The following NAV3 variants were observed in gnomAD, a reference collection of about 807,000 sequenced individuals.
NAV3 encodes the protein neuron navigator 3, also known as pore membrane and/or filament interacting like protein 1.
A neutral mutation model predicts 244.7 loss-of-function variants in NAV3; 87 were observed. The observed-to-expected ratio is 0.36, with a 90% confidence interval of 0.30 to 0.42. The LOEUF is 0.42. Ranked by LOEUF, NAV3 falls within the 20% of genes least tolerant of loss-of-function variation. The pLI, the probability that NAV3 is intolerant of heterozygous loss-of-function variation, is 1.00. For synonymous variants in NAV3, 1,126 were observed against 1,042.2 expected, an observed-to-expected ratio of 1.08 and a Z score of -1.55; for missense variants, 2,663 against 2,893.3, an observed-to-expected ratio of 0.92 and a Z score of 1.83.
intron 2 of NAV3, among the ~76,000 whole-genome samples, chr12:77,573,032 TC>T (rs1233786732): frequency 6.6e-6 from 1 of 152,178 alleles, no homozygotes; most frequent in African/African-American, 2.4e-5. Context: ...CTGAAATGTA[TC>T]ATCTTTTGCA....
At chr12:77,834,949 T>C (rs922627532) in intron 1 of NAV3, among the ~76,000 whole-genome samples, 1 of 152,070 alleles carries the variant, frequency 6.6e-6, no homozygotes, top group Admixed American at 6.6e-5. Flanking sequence ...TTAGAGAGAA[T>C]TAGACTTGGC....
chr12:78,195,060 A>G (rs1456531228), intron 34 of NAV3, among the ~76,000 whole-genome samples: 1 of 151,954 alleles, frequency 6.6e-6, no homozygotes, highest in Non-Finnish European at 1.5e-5. Flanking sequence ...CTTAAATGCT[A>G]TTTCCTTTTC....
At chr12:77,864,634 A>G (rs1366554502) in intron 1 of NAV3, among the ~76,000 whole-genome samples, 3 of 151,970 alleles carry the variant, frequency 2.0e-5, no homozygotes, top group Non-Finnish European at 2.9e-5. Context: ...TCTCTGCTCA[A>G]TTTTTAAGCA....
chr12:77,660,046 A>T (rs1465937383), intron 2 of NAV3, among the ~76,000 whole-genome samples: 1 of 152,086 alleles, frequency 6.6e-6, no homozygotes, highest in Non-Finnish European at 1.5e-5. Context: ...CCAGCATGTC[A>T]CATGTATACA....
At chr12:77,978,644 A>G (rs1016808673) in intron 5 of NAV3, among the ~76,000 whole-genome samples, 3 of 152,086 alleles carry the variant, frequency 2.0e-5, no homozygotes, top group Admixed American at 2.0e-4. Flanking sequence ...CTAAAAACTA[A>G]CCTCATCTCA....
At chr12:78,061,970 TATGTCCATAC>T (rs2137460980) in intron 12 of NAV3, among the ~76,000 whole-genome samples, 1 of 152,284 alleles carries the variant, frequency 6.6e-6, no homozygotes, top group South Asian at 2.1e-4. Flanking sequence ...TACTAAAAAC[TATGTCCATAC>T]AACATAGCAA....
intron 24 of NAV3, among the ~76,000 whole-genome samples, chr12:78,173,666 GT>G (rs1235143808): frequency 6.6e-6 from 1 of 150,962 alleles, no homozygotes; most frequent in Non-Finnish European, 1.5e-5. Flanking sequence ...AGTTGGTAAT[GT>G]TTTGGCATGC....
At chr12:78,207,844 T>G (rs1305143123) in intron 39 of NAV3, among the ~76,000 whole-genome samples, 2 of 152,142 alleles carry the variant, frequency 1.3e-5, no homozygotes, top group Non-Finnish European at 2.9e-5. Context: ...CCTAGTTAGA[T>G]CTGCAGTTTC....
intron 3 of NAV3, among the ~76,000 whole-genome samples, chr12:77,953,584 C>T (rs1312530929): frequency 1.3e-5 from 2 of 152,092 alleles, no homozygotes; most frequent in Non-Finnish European, 2.9e-5. Flanking sequence ...AAACAAAAAC[C>T]GAAGAGCAAA....
At chr12:78,177,806 G>T in intron 28 of NAV3, 121 bp downstream of exon 28, 5 of 861,268 alleles carry the variant, frequency 5.8e-6, no homozygotes, top group South Asian at 1.9e-5. Context: ...TTCTCTTTCT[G>T]TTTTTTCAAC....
At chr12:77,809,951 G>T (rs757066040) in intron 2 of NAV3, among the ~76,000 whole-genome samples, 1 of 151,996 alleles carries the variant, frequency 6.6e-6, no homozygotes, top group Non-Finnish European at 1.5e-5. Flanking sequence ...AAATTGAATT[G>T]TAAAATATTT....
chr12:78,069,067 C>T (rs1486559288), intron 12 of NAV3, among the ~76,000 whole-genome samples: 1 of 151,594 alleles, frequency 6.6e-6, no homozygotes, highest in Non-Finnish European at 1.5e-5. Context: ...CTGATAAATT[C>T]TGCATCTTCC....
At chr12:77,992,566 C>T (rs959173656) in intron 5 of NAV3, among the ~76,000 whole-genome samples, 1 of 152,126 alleles carries the variant, frequency 6.6e-6, no homozygotes, top group Non-Finnish European at 1.5e-5. Context: ...GTTTGAAGCT[C>T]ACGTAAATGG....
intron 6 of NAV3, among the ~76,000 whole-genome samples, chr12:77,997,658 C>T (rs1033348581): frequency 6.6e-6 from 1 of 152,346 alleles, no homozygotes; most frequent in East Asian, 1.9e-4. Flanking sequence ...TGTCACGTCT[C>T]CTCTGTGATC....
intron 3 of NAV3, among the ~76,000 whole-genome samples, chr12:77,960,666 C>T (rs2731430): frequency 0.99 from 145,787 of 147,394 alleles, 72,121 homozygotes; most frequent in Middle Eastern, 1. Flanking sequence ...ATTACATATA[C>T]GATTATATTA....
chr12:77,768,153 T>C (rs1869880000), intron 2 of NAV3, among the ~76,000 whole-genome samples: 1 of 152,166 alleles, frequency 6.6e-6, no homozygotes, highest in Non-Finnish European at 1.5e-5. Context: ...GGGGTTTTTA[T>C]GGGCTTCAGA....
At chr12:77,950,401 G>T (rs186891865) in intron 3 of NAV3, among the ~76,000 whole-genome samples, 79 of 152,162 alleles carry the variant, frequency 5.2e-4, no homozygotes, top group African/African-American at 1.8e-3. Flanking sequence ...TTCCCCTGAT[G>T]ACATATGATG....
At chr12:77,897,529 G>C (rs535293089) in intron 1 of NAV3, among the ~76,000 whole-genome samples, 1 of 152,116 alleles carries the variant, frequency 6.6e-6, no homozygotes, top group African/African-American at 2.4e-5. Context: ...TTGTACTTCT[G>C]TTGGCTTCAG....
chr12:77,684,946 C>T (rs1874647332), intron 2 of NAV3, among the ~76,000 whole-genome samples: 1 of 152,082 alleles, frequency 6.6e-6, no homozygotes, highest in Non-Finnish European at 1.5e-5. Flanking sequence ...GTTGCTGACA[C>T]CTTCGTCAGA....
Sources: gnomAD v4.1 joint callset for allele counts (sites outside exome capture counted in the v4.1 genomes callset) on GRCh38, gnomAD v4.1.1 for gene constraint, MANE v1.5 for transcripts, NCBI Gene and HGNC (gene_info 2026-07-23, HGNC 2026-07-21) for gene names.